NOL9: variants seen among roughly 807,000 people sequenced by gnomAD.
NOL9 encodes the protein nucleolar protein 9.
In NOL9, 28 loss-of-function variants were observed where a neutral mutation model predicts 67.9. The observed-to-expected ratio is 0.41, with a 90% confidence interval of 0.31 to 0.57. NOL9 has a LOEUF of 0.57. Among genes scored for constraint, NOL9 ranks in the 20% least tolerant of loss-of-function variants. The pLI is 0.25. For missense variants in NOL9, 777 were observed against 897.0 expected (o/e 0.87, Z 1.71); for synonymous variants, 356 against 352.2 (o/e 1.01, Z -0.12).
At chr1:6,532,385 C>A in intron 8 of NOL9, 78 bp downstream of exon 8, 1 of 1,354,512 alleles carries the variant, frequency 7.4e-7, no homozygotes, top group Non-Finnish European at 1.0e-6. Flanking sequence ...AGGACTCAGG[C>A]CTTTAGAGGA....
chr1:6,529,582 G>T (rs900577433), intron 9 of NOL9, among the ~76,000 whole-genome samples: 1 of 147,262 alleles, frequency 6.8e-6, no homozygotes, highest in Non-Finnish European at 1.5e-5. Flanking sequence ...AGCAAGACTC[G>T]GTCTCAAAAA....
chr1:6,543,101 C>T (rs1639335895), intron 5 of NOL9, among the ~76,000 whole-genome samples: 1 of 151,716 alleles, frequency 6.6e-6, no homozygotes, highest in South Asian at 2.1e-4. Flanking sequence ...ATTACGTTGC[C>T]CAGGCTGGTC....
At chr1:6,533,569 C>G (rs371746736) in intron 6 of NOL9, 128 bp from the exon 7 acceptor site, 1 of 613,808 alleles carries the variant, frequency 1.6e-6, no homozygotes, top group Non-Finnish European at 2.6e-6. Flanking sequence ...TGAGACCATC[C>G]TACCTACAGG....
chr1:6,544,751 T>C lies in NOL9; in HGVS notation c.977+75A>G. 7 of 1,468,652 alleles carry C rather than the reference T, an allele frequency of 4.8e-6. No individual in the cohort carries two copies. In the Admixed American group the frequency reaches 1.2e-4, roughly 25 times the overall value. The allele number at this position is 1,468,652 out of a possible 1,614,324, so 91.0% of individuals were successfully genotyped here. Reference sequence around the variant, plus strand: ...TCTCTAGCTAGAAGCCAAGAAGCATTCCCTCCAAATCAAAAATCCCACTTC... The same window carrying C: ...TCTCTAGCTAGAAGCCAAGAAGCATCCCCTCCAAATCAAAAATCCCACTTC... On this transcript the variant is annotated intron_variant, in intron 5 of 11. Coordinates refer to ENST00000377705, the MANE Select transcript of NOL9 (RefSeq NM_024654.5).
chr1:6,545,034 G>C lies in NOL9; in HGVS notation c.880+11C>G. ...GACAGACATTCAGGGTGATCAATGT[G>C]TATTACTCACCACAGGAAACATTGA... is the stretch of plus-strand genomic sequence containing the variant. On this transcript the variant is annotated intron_variant, in intron 4 of 11. Coordinates refer to ENST00000377705, the MANE Select transcript of NOL9 (RefSeq NM_024654.5). 1 of 1,614,094 alleles carries C rather than the reference G, an allele frequency of 6.2e-7. No homozygotes were observed.
intron 9 of NOL9, among the ~76,000 whole-genome samples, chr1:6,530,388 A>G (rs909330146): frequency 7.9e-5 from 12 of 152,250 alleles, no homozygotes; most frequent in Non-Finnish European, 1.8e-4. Context: ...CGGGAGGCGG[A>G]GGTTGCAGTG....
In NOL9 at chr1:6,533,292, C is replaced by T. The variant is rs1639075742; in HGVS notation, c.1225G>A (p.Gly409Arg). The change falls in exon 7 of 12, where the codon GGA (glycine) becomes AGA (arginine). Residue 409 changes from glycine (G) to arginine (R), a missense_variant. By Grantham distance (125) the Gly-to-Arg change is moderately radical. Transcript: ENST00000377705. Reference sequence around the variant, plus strand: ...CATGCAGGCTTACCTGAAACCCATCCCATAGTGTTGACGATGAGAGGGGAC... The same window carrying T: ...CATGCAGGCTTACCTGAAACCCATCTCATAGTGTTGACGATGAGAGGGGAC... ...RESPLIVNTM[G>R]WVSDQGLLLL... 6.2e-7 allele frequency: 1 copy of T among 1,602,552 alleles called. No homozygotes were observed. The highest frequency in any genetic ancestry group is 1.3e-5 in the African/African-American group (1 of 74,662).
rs762342211 is a variant in NOL9 at position 6,550,473 on chromosome 1, T to C, written c.539A>G (p.His180Arg). 1.2e-6 allele frequency: 2 copies of C among 1,614,120 alleles called. No homozygotes were observed. The highest frequency in any genetic ancestry group is 2.2e-5 in the East Asian group (1 of 44,872). ...THSCLSIHALHYSQPEKSKKE... is the reference protein window; with the variant it reads ...THSCLSIHALRYSQPEKSKKE... ...CTTGCTTTTCTCAGGCTGTGAGTAG[T>C]GAAGTGCATGGATACTCAAGCAAGA... The change falls in exon 2 of 12, where the codon CAC (histidine) becomes CGC (arginine). Residue 180 changes from histidine (H) to arginine (R), a missense_variant. Physicochemically the swap from His to Arg is conservative, Grantham distance 29. This residue lies in a region of NOL9 where 364 missense variants were observed against 344.4 expected (regional missense o/e 1.06). Transcript: ENST00000377705.
chr1:6,551,525 A>T (rs1639542577), intron 1 of NOL9, among the ~76,000 whole-genome samples: 1 of 151,398 alleles, frequency 6.6e-6, no homozygotes, highest in Non-Finnish European at 1.5e-5. Context: ...GCTTGAATCC[A>T]GAGGCAAAGG....
intron 3 of NOL9, among the ~76,000 whole-genome samples, chr1:6,546,099 A>T (rs1286636388): frequency 6.6e-6 from 1 of 152,142 alleles, no homozygotes; most frequent in African/African-American, 2.4e-5. Flanking sequence ...AGAATATCTA[A>T]CAAAATTAGA....
intron 1 of NOL9, among the ~76,000 whole-genome samples, chr1:6,550,910 C>T (rs553621247): frequency 3.9e-5 from 6 of 152,108 alleles, no homozygotes; most frequent in East Asian, 3.9e-4. Context: ...CTTGAACTCC[C>T]GACCTCAGGT....
chr1:6,554,011 G>A, intron 1 of NOL9, 96 bp downstream of exon 1: 6 of 1,038,550 alleles, frequency 5.8e-6, no homozygotes, highest in Non-Finnish European at 8.0e-6. Flanking sequence ...GAACAGGCCC[G>A]GGGGACCACG....
intron 9 of NOL9, among the ~76,000 whole-genome samples, chr1:6,529,482 G>A (rs1446624600): frequency 6.6e-6 from 1 of 152,088 alleles, no homozygotes; most frequent in South Asian, 2.1e-4. Context: ...CAGCTACTCG[G>A]GAGGCTAAGG....
rs1302648019 is a variant in NOL9 at position 6,549,622 on chromosome 1, A to G, written c.693T>C (p.Thr231=). 2 of 1,614,168 alleles carry G rather than the reference A, an allele frequency of 1.2e-6. No individual in the cohort carries two copies. Among genetic ancestry groups the G allele is most frequent in the Admixed American group, 1.7e-5 (1 of 60,014 alleles). Residue 231 remains threonine, a synonymous_variant, in exon 3 of 12, where the codon ACT becomes ACC. Transcript: ENST00000377705. ...IVLLEHLKTA[T]VNFITSYPGS... is the part of the protein sequence containing the mutation. ...CCGGATAGCTGGTTATGAAGTTTAC[A>G]GTGGCAGTTTTCAGATGTTCTAGCA...
In NOL9 at chr1:6,530,140, CAAA is replaced by C. The variant is rs376600746; in HGVS notation, c.1648-972_1648-970del. 6.3e-4 allele frequency among the ~76,000 whole-genome samples: 96 copies of C among 151,946 alleles called. 2 individuals carry two copies. Among genetic ancestry groups the C allele is most frequent in the African/African-American group, 2.2e-3 (93 of 41,448 alleles). On this transcript the variant is annotated intron_variant, in intron 9 of 11. Transcript: ENST00000377705. ...GACTCTGTCTCCAAAAAAAAAGAAA[CAAA>C]AAACACTTAAATTTAAAAAATAAAT...
In NOL9 at chr1:6,554,241, T is replaced by C; in HGVS notation, c.262A>G (p.Ser88Gly). The C allele has an allele frequency of 6.6e-7, 1 of 1,506,972 alleles. No homozygotes were observed. The highest frequency in any genetic ancestry group is 8.9e-7 in the Non-Finnish European group (1 of 1,127,468). 93.4% of individuals were successfully genotyped at this position (1,506,972 alleles called of 1,614,324 possible). A position where few individuals can be genotyped will look rare whatever the true frequency, so the allele number is the denominator to read the frequency against. ...PNTATPSPIP[S>G]PTPASEPESE... ...TCGGGTTCGGAGGCCGGGGTCGGGC[T>C]AGGGATCGGGCTGGGGGTCGCGGTG... The change falls in exon 1 of 12, where the codon AGC becomes GGC. Residue 88 changes from serine (S) to glycine (G), a missense_variant. By Grantham distance (56) the Ser-to-Gly change is moderately conservative. Coordinates refer to ENST00000377705, the MANE Select transcript of NOL9 (RefSeq NM_024654.5).
At chr1:6,542,519 G>A (rs1218174061) in intron 5 of NOL9, among the ~76,000 whole-genome samples, 2 of 149,330 alleles carry the variant, frequency 1.3e-5, no homozygotes. Flanking sequence ...GTGCAGTGGC[G>A]CGATCTTGGC....
rs200879704 is a variant in NOL9 at position 6,532,055 on chromosome 1, T to C, written c.1560A>G (p.Arg520=). Residue 520 remains arginine (R), a synonymous_variant, in exon 9 of 12, where the codon CGA becomes CGG. Coordinates refer to ENST00000377705, the MANE Select transcript of NOL9 (RefSeq NM_024654.5). The part of the protein sequence containing the change: ...RNRESHNKIL[R]DLSILSYLSQ... ...TAAGGTAACTCAAGATGGACAGATC[T>C]CGAAGAATTTTGTTATGTGACTCTC... is the stretch of plus-strand genomic sequence containing the variant. 5.6e-6 allele frequency: 9 copies of C among 1,614,174 alleles called. No homozygotes were observed. The African/African-American group carries it at 1.1e-4, about 19-fold the overall frequency.
In NOL9 at chr1:6,525,942, G is replaced by T; in HGVS notation, c.2021C>A (p.Ala674Glu). ...TTDYNFKLPGASEKIGAREPE... is the reference protein window; with the variant it reads ...TTDYNFKLPGESEKIGAREPE... ...TTCTCTTGCTCCAATTTTCTCTGATGCTCCAGGAAGTTTAAAATTGTAATC... is the reference window on the plus strand; with the variant it reads ...TTCTCTTGCTCCAATTTTCTCTGATTCTCCAGGAAGTTTAAAATTGTAATC... Residue 674 changes from alanine to glutamate, a missense_variant, in exon 12 of 12, where the codon GCA becomes GAA. Ala to Glu is a moderately radical substitution (Grantham distance 107). Transcript: ENST00000377705. 1 of 1,613,810 alleles carries T rather than the reference G, an allele frequency of 6.2e-7. No individual in the cohort carries two copies. Among genetic ancestry groups the T allele is most frequent in the East Asian group, 2.2e-5 (1 of 44,882 alleles).
Sources: allele counts gnomAD v4.1 joint callset (sites outside exome capture counted in the v4.1 genomes callset), GRCh38; gene constraint gnomAD v4.1.1; regional missense constraint gnomAD v4.1.1; transcripts MANE v1.5; gene names NCBI Gene and HGNC (gene_info 2026-07-23, HGNC 2026-07-21).